Variants in POU6F2 observed in about 807,000 individuals in gnomAD.
The protein encoded by POU6F2 is POU domain, class 6, transcription factor 2.
Under a neutral mutation model 71.3 loss-of-function variants are expected in POU6F2, and 31 were observed. The observed-to-expected ratio is 0.43, with a 90% CI of 0.33 to 0.59. The LOEUF (loss-of-function observed/expected upper bound fraction) is 0.59, where lower values mean the gene tolerates loss of function less well. Ranked by LOEUF, POU6F2 falls within the 20% of genes least tolerant of loss-of-function variation. The probability of loss-of-function intolerance (pLI) is 0.04; values close to 1 mark genes in which losing one functional copy is unlikely to be tolerated. For synonymous variants in POU6F2, 347 were observed against 355.7 expected (o/e 0.98, Z 0.27); for missense variants, 783 against 856.8 (o/e 0.91, Z 1.07).
intron 1 of POU6F2, among the ~76,000 whole-genome samples, chr7:39,021,921 TC>T (rs752579628): frequency 2.5e-4 from 38 of 152,228 alleles, no homozygotes; most frequent in Non-Finnish European, 4.6e-4. Flanking sequence ...TTAGCATTTT[TC>T]TTTGAAGATA....
intron 1 of POU6F2, among the ~76,000 whole-genome samples, chr7:39,085,534 A>G (rs1791219706): frequency 6.6e-6 from 1 of 151,794 alleles, no homozygotes; most frequent in Non-Finnish European, 1.5e-5. Flanking sequence ...ACAAAAGCAT[A>G]TCCCACAATT....
intron 4 of POU6F2, among the ~76,000 whole-genome samples, chr7:39,214,967 C>A (rs146732655): frequency 4.4e-4 from 67 of 152,258 alleles, no homozygotes; most frequent in African/African-American, 1.5e-3. Flanking sequence ...TGCAGTTATG[C>A]TATAATTTTT....
In POU6F2 at chr7:39,275,631, G is replaced by A. The variant is rs900687965; in HGVS notation, c.599-64011G>A. On this transcript the variant is annotated intron_variant, in intron 4 of 9. Coordinates refer to ENST00000518318, the MANE Select transcript of POU6F2 (RefSeq NM_001370959.1). ...CCAAAAGAACAAAGCTGGAGGCATCGTGCTACCTGACTTCAAACTATACTA... is the reference window on the plus strand; with the variant it reads ...CCAAAAGAACAAAGCTGGAGGCATCATGCTACCTGACTTCAAACTATACTA... 6.4e-3 allele frequency among the ~76,000 whole-genome samples: 978 copies of A among 152,186 alleles called. 5 individuals carry two copies. The highest frequency in any genetic ancestry group is 0.01 in the Non-Finnish European group (686 of 67,986).
rs1435629767 is a variant in POU6F2, at chr7:39,466,699, C to T, written c.*2013C>T. ...TTGTCCCCTCCAATGATTCATGCAG[C>T]AATCAAGAGACTACCAGCAAGGAAA... On this transcript the variant is annotated 3_prime_UTR_variant, in exon 10 of 10. Transcript: ENST00000518318. 6.6e-6 allele frequency: 1 copy of T among 152,140 alleles called. No individual in the cohort carries two copies. Among genetic ancestry groups the T allele is most frequent in the African/African-American group, 2.4e-5 (1 of 41,414 alleles). 9.4% of individuals were successfully genotyped at this position (152,140 alleles called of 1,614,324 possible). A position where few individuals can be genotyped will look rare whatever the true frequency, so the allele number is the denominator to read the frequency against.
At chr7:39,129,829 C>A (rs747131509) in intron 2 of POU6F2, among the ~76,000 whole-genome samples, 1 of 151,854 alleles carries the variant, frequency 6.6e-6, no homozygotes, top group Non-Finnish European at 1.5e-5. Context: ...TTTGGGAGGC[C>A]GAGGCGGGCA....
At chr7:39,390,766 A>G (rs924642352) in intron 5 of POU6F2, among the ~76,000 whole-genome samples, 1 of 152,226 alleles carries the variant, frequency 6.6e-6, no homozygotes, top group Non-Finnish European at 1.5e-5. Flanking sequence ...GTGGCGTTAC[A>G]TGAGAAGTGG....
In POU6F2 at chr7:39,339,766, C is replaced by T; in HGVS notation, c.723C>T (p.Pro241=). 1 of 1,587,668 alleles carries T rather than the reference C, an allele frequency of 6.3e-7. No homozygotes were observed. The highest frequency in any genetic ancestry group is 8.6e-7 in the Non-Finnish European group (1 of 1,167,360). Residue 241 remains proline, a synonymous_variant, in exon 5 of 10, where the codon CCC becomes CCT. Coordinates refer to ENST00000518318, the MANE Select transcript of POU6F2 (RefSeq NM_001370959.1). ...ACCCGCAACCAGCCCCACAGGCGCC[C>T]TCGCAGTCCCAGCAGCAGCCGCTGC... is the stretch of plus-strand genomic sequence containing the variant. ...NQHPQPAPQA[P]SQSQQQPLQP...
rs1413071628 is a variant in POU6F2, at chr7:39,466,108, C to T, written c.*1422C>T. The T allele has an allele frequency of 3.3e-5, 5 of 152,054 alleles. No homozygotes were observed. Among genetic ancestry groups the T allele is most frequent in the Admixed American group, 6.6e-5 (1 of 15,266 alleles). 9.4% of individuals were successfully genotyped at this position (152,054 alleles called of 1,614,324 possible). A position where few individuals can be genotyped will look rare whatever the true frequency, so the allele number is the denominator to read the frequency against. ...TTTTTCAGGGGGAATAATTACTCTT[C>T]GGGATATATAAATGGAGCAGAAAGG... On this transcript the variant is annotated 3_prime_UTR_variant, in exon 10 of 10. Coordinates refer to ENST00000518318, the MANE Select transcript of POU6F2 (RefSeq NM_001370959.1).
Position 39,152,255 on chromosome 7 carries a change from G to C in POU6F2, c.278-51980G>C, listed in dbSNP as rs1394414800. On this transcript the variant is annotated intron_variant, in intron 2 of 9. Coordinates refer to ENST00000518318, the MANE Select transcript of POU6F2 (RefSeq NM_001370959.1). ...AGAGTTCCTGACAAATCAACCAAGA[G>C]GCCAAATTATCTTCCAGGCTGTGGG... Among the ~76,000 whole-genome samples the C allele has an allele frequency of 2.0e-5, 3 of 152,234 alleles. No homozygotes were observed. In the East Asian group the frequency reaches 5.8e-4, roughly 29 times the overall value.
intron 6 of POU6F2, 35 bp downstream of exon 6, chr7:39,406,775 T>C (rs1192997511): frequency 5.0e-6 from 8 of 1,610,080 alleles, no homozygotes. Flanking sequence ...TGCATTTTTA[T>C]GGCAGATTGA....
At chr7:39,297,695 T>C (rs572100819) in intron 4 of POU6F2, among the ~76,000 whole-genome samples, 1 of 152,096 alleles carries the variant, frequency 6.6e-6, no homozygotes, top group African/African-American at 2.4e-5. Context: ...GGATTCAGTG[T>C]AGTCAAATTA....
intron 4 of POU6F2, among the ~76,000 whole-genome samples, chr7:39,312,299 A>G (rs1785181064): frequency 6.6e-6 from 1 of 152,230 alleles, no homozygotes; most frequent in African/African-American, 2.4e-5. Context: ...GGTACTGTTA[A>G]CTGAACTTAA....
At chr7:39,052,206 G>A (rs1790412966) in intron 1 of POU6F2, among the ~76,000 whole-genome samples, 1 of 152,018 alleles carries the variant, frequency 6.6e-6, no homozygotes, top group Non-Finnish European at 1.5e-5. Flanking sequence ...TTAATCTTCA[G>A]AACAACTCCA....
chr7:39,364,093 T>C (rs1016340493), intron 5 of POU6F2, among the ~76,000 whole-genome samples: 1 of 152,136 alleles, frequency 6.6e-6, no homozygotes, highest in Admixed American at 6.5e-5. Flanking sequence ...ATCAGGGATG[T>C]TCTTGAATAG....
At chr7:39,347,506 A>G (rs915383100) in intron 5 of POU6F2, among the ~76,000 whole-genome samples, 5 of 152,158 alleles carry the variant, frequency 3.3e-5, no homozygotes, top group Admixed American at 6.5e-5. Flanking sequence ...TGGAGCTCCA[A>G]GGGGTTTAGA....
Position 39,460,086 on chromosome 7 carries a change from G to A in POU6F2, c.1490-461G>A, listed in dbSNP as rs1051405037. 1.3e-5 allele frequency among the ~76,000 whole-genome samples: 2 copies of A among 152,180 alleles called. No homozygotes were observed. The highest frequency in any genetic ancestry group is 4.8e-5 in the African/African-American group (2 of 41,444). Reference sequence around the variant, plus strand: ...TGACTGCTTTGGCGATCAGTTGAAGGAAAAATACAAAATACTATTGTCTTC... The same window carrying A: ...TGACTGCTTTGGCGATCAGTTGAAGAAAAAATACAAAATACTATTGTCTTC... On this transcript the variant is annotated intron_variant, in intron 8 of 9. Transcript: ENST00000518318. This position sits in a 1 kb window ranked among gnomAD's most constrained non-coding sequence, Gnocchi z 4.4.
chr7:39,194,415 G>A (rs1793735824), intron 2 of POU6F2, among the ~76,000 whole-genome samples: 1 of 152,230 alleles, frequency 6.6e-6, no homozygotes, highest in African/African-American at 2.4e-5. Flanking sequence ...TGGGTCAGGT[G>A]GGGACTTGGA....
At chr7:39,392,730 G>A (rs1033364190) in intron 5 of POU6F2, among the ~76,000 whole-genome samples, 1 of 152,154 alleles carries the variant, frequency 6.6e-6, no homozygotes, top group African/African-American at 2.4e-5. Flanking sequence ...AGGCTCAGGC[G>A]AGGCAGGACG....
Position 39,412,778 on chromosome 7 carries a change from C to CTTTTTTTTTTTTTTTT in POU6F2, c.1113+6064_1113+6079dup, listed in dbSNP as rs1166811956. On this transcript the variant is annotated intron_variant, in intron 6 of 9. Transcript: ENST00000518318. The stretch of plus-strand genomic sequence containing the variant: ...TCCGTATTAGCTTCAGTTTTCTTGC[C>CTTTTTTTTTTTTTTTT]TTTTTTTTTTTTTTTTTTTTTTTTT... Among the ~76,000 whole-genome samples, 28 of 23,192 alleles carry CTTTTTTTTTTTTTTTT rather than the reference C, an allele frequency of 1.2e-3. 9 individuals are homozygous for CTTTTTTTTTTTTTTTT. The highest frequency in any genetic ancestry group is 1.8e-3 in the Non-Finnish European group (17 of 9,474). 15.2% of individuals were successfully genotyped at this position (23,192 alleles called of 152,430 possible).
Sources: allele counts gnomAD v4.1 joint callset (sites outside exome capture counted in the v4.1 genomes callset), GRCh38; gene constraint gnomAD v4.1.1; non-coding constraint Gnocchi (gnomAD v3.1); transcripts MANE v1.5; gene names NCBI Gene and HGNC (gene_info 2026-07-23, HGNC 2026-07-21).